PLA2R1: variants seen among roughly 807,000 people sequenced by gnomAD.
PLA2R1 encodes the protein phospholipase A2 receptor 1.
A neutral mutation model predicts 195.9 loss-of-function variants in PLA2R1; 158 were observed. That is an observed-to-expected ratio of 0.81 (90% confidence interval 0.71 to 0.92). PLA2R1 has a LOEUF of 0.92. Ranked by LOEUF, PLA2R1 falls within the 40% of genes least tolerant of loss-of-function variation. The pLI is 0.00. For missense variants in PLA2R1, 1,626 were observed against 1,764.6 expected, an observed-to-expected ratio of 0.92 and a Z score of 1.41; for synonymous variants, 586 against 598.2, an observed-to-expected ratio of 0.98 and a Z score of 0.30.
chr2:160,042,853 C>A (rs879811888), intron 2 of PLA2R1, among the ~76,000 whole-genome samples: 2 of 91,590 alleles, frequency 2.2e-5, no homozygotes, highest in South Asian at 3.6e-4. Context: ...ATGTGTGAGA[C>A]AGAGGGAGAG....
rs372652143 is a variant in PLA2R1 at position 159,951,419 on chromosome 2, T to G, written c.3461A>C (p.Asp1154Ala). ...AGTGAGGAAGGACTGGTGATACTGGTCTGTGATGCTGACCAGTTGTGCTTT... is the reference window on the plus strand; with the variant it reads ...AGTGAGGAAGGACTGGTGATACTGGGCTGTGATGCTGACCAGTTGTGCTTT... The part of the protein sequence containing the change: ...MHKAQLVSIT[D>A]QYHQSFLTVV... The change falls in exon 24 of 30, where the codon GAC becomes GCC. Residue 1154 changes from aspartate to alanine, a missense_variant. Transcript: ENST00000283243. The G allele has an allele frequency of 9.3e-6, 15 of 1,613,890 alleles. No homozygotes were observed. In the African/African-American group the frequency reaches 1.5e-4, roughly 16 times the overall value.
chr2:159,944,882 G>A, intron 28 of PLA2R1, 24 bp downstream of exon 28: 1 of 1,574,702 alleles, frequency 6.4e-7, no homozygotes, highest in Non-Finnish European at 8.7e-7. Flanking sequence ...TCAAAATGAA[G>A]AATTACTCTC....
Position 159,945,008 on chromosome 2 carries a change from A to G in PLA2R1, c.4042T>C (p.Tyr1348His). Residue 1348 changes from tyrosine to histidine, a missense_variant, in exon 28 of 30, where the codon TAC becomes CAC. Transcript: ENST00000283243. ...GCAACACAATGATGGGGCTTGAAGTAGTCTGTGTCTGGCTTCCGAATGCCC... is the reference window on the plus strand; with the variant it reads ...GCAACACAATGATGGGGCTTGAAGTGGTCTGTGTCTGGCTTCCGAATGCCC... Reference protein sequence around the residue: ...NWGIRKPDTDYFKPHHCVALR... With the variant: ...NWGIRKPDTDHFKPHHCVALR... The G allele has an allele frequency of 1.2e-6, 2 of 1,613,600 alleles. No homozygotes were observed. Among genetic ancestry groups the G allele is most frequent in the Non-Finnish European group, 1.7e-6 (2 of 1,179,674 alleles).
chr2:159,949,518 T>G (rs1019342041), intron 25 of PLA2R1, 90 bp downstream of exon 25: 1 of 891,898 alleles, frequency 1.1e-6, no homozygotes, highest in Admixed American at 2.2e-5. Context: ...CTTCTTACTA[T>G]ACTCATCCTC....
chr2:159,932,704 AG>A lies in PLA2R1; in HGVS notation c.*9073del, dbSNP rs1686637958. On this transcript the variant is annotated 3_prime_UTR_variant, in exon 30 of 30. Coordinates refer to ENST00000283243, the MANE Select transcript of PLA2R1 (RefSeq NM_007366.5). ...ATAATCTCTTAGAAGTAGGAACTCA[AG>A]GAGCTCAAGTTAATTCACAAACAAC... is the stretch of plus-strand genomic sequence containing the variant. The A allele has an allele frequency of 6.6e-6, 1 of 152,242 alleles. No homozygotes were observed. The highest frequency in any genetic ancestry group is 1.9e-4 in the East Asian group (1 of 5,204). 9.4% of individuals were successfully genotyped at this position (152,242 alleles called of 1,614,324 possible).
At chr2:159,965,143 C>T (rs1338096717) in intron 20 of PLA2R1, among the ~76,000 whole-genome samples, 1 of 152,178 alleles carries the variant, frequency 6.6e-6, no homozygotes, top group African/African-American at 2.4e-5. Context: ...GATGAACCTG[C>T]ATTAACACAT....
At chr2:159,977,765 A>G (rs568097744) in intron 14 of PLA2R1, among the ~76,000 whole-genome samples, 4 of 151,932 alleles carry the variant, frequency 2.6e-5, no homozygotes, top group East Asian at 3.9e-4. Context: ...GTGAAACCCC[A>G]TCTCTACTAA....
At chr2:160,016,743 T>A (rs372793434) in intron 8 of PLA2R1, 31 bp from the exon 9 acceptor site, 134 of 1,048,982 alleles carry the variant, frequency 1.3e-4, no homozygotes, top group Non-Finnish European at 6.8e-5. Context: ...AGAGAATGAA[T>A]ACACTCTGTG....
At chr2:159,985,245 T>C (rs890134974) in intron 12 of PLA2R1, among the ~76,000 whole-genome samples, 1 of 152,230 alleles carries the variant, frequency 6.6e-6, no homozygotes. Flanking sequence ...TATTATTCTA[T>C]GAATGTAATG....
rs1282376507 is a variant in PLA2R1 at position 160,045,050 on chromosome 2, A to G, written c.217T>C (p.Trp73Arg). 6.2e-7 allele frequency: 1 copy of G among 1,614,232 alleles called. No homozygotes were observed. The highest frequency in any genetic ancestry group is 1.1e-5 in the South Asian group (1 of 91,084). Residue 73 changes from tryptophan to arginine, a missense_variant, in exon 2 of 30, where the codon TGG becomes CGG. Trp to Arg is a moderately radical substitution (Grantham distance 101). Coordinates refer to ENST00000283243, the MANE Select transcript of PLA2R1 (RefSeq NM_007366.5). ...NCKQANKHMLWKWVSNHGLFN... is the reference protein window; with the variant it reads ...NCKQANKHMLRKWVSNHGLFN... The stretch of plus-strand genomic sequence containing the variant: ...AGGCCATGGTTTGAAACCCATTTCC[A>G]CAGCATGTGCTTGTTTGCTTGCTTG...
chr2:159,944,288 T>G (rs1687253331), intron 28 of PLA2R1, among the ~76,000 whole-genome samples: 1 of 152,202 alleles, frequency 6.6e-6, no homozygotes, highest in Middle Eastern at 3.2e-3. Context: ...TCTCTAGCAG[T>G]ACAGGCCACA....
rs1386175814 is a variant in PLA2R1, at chr2:159,940,267, A to G, written c.*1511T>C. 6.6e-6 allele frequency: 1 copy of G among 152,250 alleles called. No homozygotes were observed. Among genetic ancestry groups the G allele is most frequent in the East Asian group, 1.9e-4 (1 of 5,202 alleles). The allele number at this position is 152,250 out of a possible 1,614,324, so 9.4% of individuals were successfully genotyped here. A position where few individuals can be genotyped will look rare whatever the true frequency, so the allele number is the denominator to read the frequency against. On this transcript the variant is annotated 3_prime_UTR_variant, in exon 30 of 30. Transcript: ENST00000283243. Reference sequence around the variant, plus strand: ...TATCATGGAACCTTACTTCATTTTCATAACCACTTGCTATTTTATGCATAT... The same window carrying G: ...TATCATGGAACCTTACTTCATTTTCGTAACCACTTGCTATTTTATGCATAT...
rs1687603217 is a variant in PLA2R1, at chr2:159,949,606, A to T, written c.3709+2T>A. 1 of 1,610,156 alleles carries T rather than the reference A, an allele frequency of 6.2e-7. No homozygotes were observed. Among genetic ancestry groups the T allele is most frequent in the Non-Finnish European group, 8.5e-7 (1 of 1,176,616 alleles). On this transcript the variant is annotated splice_donor_variant, in intron 25 of 29. Coordinates refer to ENST00000283243, the MANE Select transcript of PLA2R1 (RefSeq NM_007366.5). LOFTEE classifies it high-confidence loss of function. ...TTTTGAGTTGAATAGAATTGAACCT[A>T]CCAGGTGGCACATGACAAATGGCAC...
intron 1 of PLA2R1, among the ~76,000 whole-genome samples, chr2:160,058,872 C>T (rs1288191490): frequency 6.6e-6 from 1 of 152,164 alleles, no homozygotes; most frequent in Non-Finnish European, 1.5e-5. Context: ...TGGGATGACT[C>T]AAGTGCATTA....
chr2:159,931,708 T>C (rs1574619450), downstream of PLA2R1, among the ~76,000 whole-genome samples: 1 of 152,154 alleles, frequency 6.6e-6, no homozygotes, highest in Admixed American at 6.5e-5. Flanking sequence ...ACTAACTTTT[T>C]TGTATTTTTT....
chr2:159,991,531 T>G (rs1322986030), intron 11 of PLA2R1, among the ~76,000 whole-genome samples: 1 of 151,524 alleles, frequency 6.6e-6, no homozygotes, highest in African/African-American at 2.4e-5. Flanking sequence ...GTTACATATG[T>G]ATACATGTGC....
At chr2:160,053,178 C>T (rs1695320045) in intron 1 of PLA2R1, among the ~76,000 whole-genome samples, 1 of 150,846 alleles carries the variant, frequency 6.6e-6, no homozygotes, top group South Asian at 2.1e-4. Flanking sequence ...CATCTTCTCC[C>T]TGTGTCTCTT....
At chr2:160,019,402 C>T (rs1227324885) in intron 8 of PLA2R1, among the ~76,000 whole-genome samples, 1 of 152,184 alleles carries the variant, frequency 6.6e-6, no homozygotes, top group East Asian at 1.9e-4. Flanking sequence ...ACCTCTCTCT[C>T]ACCCCCACAT....
chr2:160,041,116 C>T (rs1018142715), intron 3 of PLA2R1, among the ~76,000 whole-genome samples: 16 of 152,178 alleles, frequency 1.1e-4, no homozygotes, highest in Non-Finnish European at 1.9e-4. Flanking sequence ...GCCATACTAG[C>T]TCTTGGATTA....
Sources: allele counts gnomAD v4.1 joint callset (sites outside exome capture counted in the v4.1 genomes callset), GRCh38; gene constraint gnomAD v4.1.1; transcripts MANE v1.5; gene names NCBI Gene and HGNC (gene_info 2026-07-23, HGNC 2026-07-21).